Variants in TDRP observed in about 807,000 individuals in gnomAD.
TDRP encodes the protein testis development-related protein.
A neutral mutation model predicts 10.5 loss-of-function variants in TDRP; 12 were observed. The observed-to-expected ratio is 1.15, with a 90% CI of 0.73 to 1.86. The LOEUF (loss-of-function observed/expected upper bound fraction) is 1.86, where lower values mean the gene tolerates loss of function less well. TDRP is among the 40% of genes most tolerant of loss of function. The pLI, the probability that TDRP is intolerant of heterozygous loss-of-function variation, is 0.00. For missense variants in TDRP, 353 were observed against 229.2 expected, an observed-to-expected ratio of 1.54 and a Z score of -3.49; for synonymous variants, 139 against 95.4, an observed-to-expected ratio of 1.46 and a Z score of -2.67.
chr8:493,999 T>TTA (rs1240496917), intron 2 of TDRP, among the ~76,000 whole-genome samples: 1 of 148,428 alleles, frequency 6.7e-6, no homozygotes, highest in African/African-American at 2.5e-5. Flanking sequence ...TGTTGTTTTT[T>TTA]TTTTTTTTTT....
At chr8:538,358 C>G (rs1392860387) in intron 1 of TDRP, among the ~76,000 whole-genome samples, 2 of 152,174 alleles carry the variant, frequency 1.3e-5, no homozygotes, top group East Asian at 3.9e-4. Context: ...AAGCGAGGTC[C>G]TGACTAAAGC....
At chr8:502,951 A>G (rs1801345405) in intron 1 of TDRP, among the ~76,000 whole-genome samples, 1 of 151,646 alleles carries the variant, frequency 6.6e-6, no homozygotes, top group Non-Finnish European at 1.5e-5. Context: ...AGAGCCACAC[A>G]CTGGAACCAA....
intron 1 of TDRP, among the ~76,000 whole-genome samples, chr8:537,102 C>T (rs561895522): frequency 5.7e-4 from 87 of 152,342 alleles, no homozygotes; most frequent in African/African-American, 2.0e-3. Flanking sequence ...TCTGCAGCTC[C>T]CATCAGGTGC....
chr8:495,898 G>A (rs1801116296), intron 1 of TDRP, among the ~76,000 whole-genome samples: 1 of 152,124 alleles, frequency 6.6e-6, no homozygotes, highest in South Asian at 2.1e-4. Flanking sequence ...GGGACTAAGG[G>A]GTCCCACTTT....
intron 1 of TDRP, among the ~76,000 whole-genome samples, chr8:515,342 A>G (rs1584867991): frequency 6.6e-6 from 1 of 152,262 alleles, no homozygotes. Flanking sequence ...TTATGCATGT[A>G]AAGTGTTGTC....
At chr8:535,499 C>T (rs111387214) in intron 1 of TDRP, among the ~76,000 whole-genome samples, 49 of 152,232 alleles carry the variant, frequency 3.2e-4, no homozygotes, top group Middle Eastern at 6.8e-3. Flanking sequence ...GTCCCTGGTC[C>T]GTGGACTGCA....
intron 1 of TDRP, among the ~76,000 whole-genome samples, chr8:533,212 A>G (rs1282766365): frequency 1.3e-5 from 2 of 152,172 alleles, no homozygotes; most frequent in Non-Finnish European, 2.9e-5. Context: ...CACAAGCCAG[A>G]AGCACATAAG....
chr8:524,064 G>C (rs1021467649), intron 1 of TDRP, among the ~76,000 whole-genome samples: 1 of 152,218 alleles, frequency 6.6e-6, no homozygotes. Context: ...AAGAGTGCTT[G>C]TGTCACCCCT....
At chr8:500,726 C>T (rs144258286) in intron 1 of TDRP, among the ~76,000 whole-genome samples, 5 of 152,292 alleles carry the variant, frequency 3.3e-5, no homozygotes, top group East Asian at 3.9e-4. Flanking sequence ...GCAGGTGTAT[C>T]GGACTCCGGC....
chr8:520,657 C>A lies in TDRP; in HGVS notation c.108+23993G>T, dbSNP rs576300935. 2.0e-5 allele frequency among the ~76,000 whole-genome samples: 3 copies of A among 152,196 alleles called. No individual in the cohort carries two copies. The South Asian group carries it at 6.2e-4, about 32-fold the overall frequency. On this transcript the variant is annotated intron_variant, in intron 1 of 2. Transcript: ENST00000324079. ...CATACTAATGGTTGTGAGGTGACAT[C>A]TCATCATGGTTTTGATTTGTATTTC...
intron 1 of TDRP, among the ~76,000 whole-genome samples, chr8:515,038 A>G (rs572840564): frequency 6.6e-6 from 1 of 152,312 alleles, no homozygotes; most frequent in Non-Finnish European, 1.5e-5. Flanking sequence ...TTCCATCAAT[A>G]CTGGAGACAC....
chr8:524,989 C>G (rs905063340), intron 1 of TDRP, among the ~76,000 whole-genome samples: 4 of 152,072 alleles, frequency 2.6e-5, no homozygotes, highest in African/African-American at 9.7e-5. Context: ...GCAGATTTAA[C>G]CCAAACAAGA....
At chr8:516,565 C>T (rs1182092557) in intron 1 of TDRP, among the ~76,000 whole-genome samples, 1 of 152,146 alleles carries the variant, frequency 6.6e-6, no homozygotes, top group East Asian at 1.9e-4. Flanking sequence ...AAGACACTGC[C>T]ACACACCTAT....
At chr8:534,847 T>A (rs17065119) in intron 1 of TDRP, among the ~76,000 whole-genome samples, 1 of 152,150 alleles carries the variant, frequency 6.6e-6, no homozygotes, top group African/African-American at 2.4e-5. Flanking sequence ...TTTTGGGCTA[T>A]TGTGAGAAGC....
chr8:494,356 G>C (rs977337814), intron 2 of TDRP, 138 bp downstream of exon 2: 1 of 699,544 alleles, frequency 1.4e-6, no homozygotes, highest in African/African-American at 1.8e-5. Context: ...GACGGAGTGG[G>C]GAGGGAAACA....
chr8:508,369 A>G (rs1390849797), intron 1 of TDRP, among the ~76,000 whole-genome samples: 2 of 152,222 alleles, frequency 1.3e-5, no homozygotes, highest in East Asian at 3.9e-4. Flanking sequence ...AGACTGGGTA[A>G]TTTATAAAGA....
At chr8:534,019 T>C (rs537996033) in intron 1 of TDRP, among the ~76,000 whole-genome samples, 52 of 152,338 alleles carry the variant, frequency 3.4e-4, no homozygotes, top group African/African-American at 1.2e-3. Flanking sequence ...AAGGCACTGA[T>C]TGTTGAAGCC....
At chr8:519,743 T>C (rs186236438) in intron 1 of TDRP, among the ~76,000 whole-genome samples, 32 of 152,240 alleles carry the variant, frequency 2.1e-4, no homozygotes, top group African/African-American at 7.5e-4. Context: ...GGAGGGAACG[T>C]ACTTTTTAAA....
rs1800929868 is a variant in TDRP, at chr8:490,218, T to C, written c.*2181A>G. On this transcript the variant is annotated 3_prime_UTR_variant, in exon 3 of 3. Transcript: ENST00000324079. ...TTCTCCCAAAGCACACCAATAAATA[T>C]TTATATTAAAAACCACAGTTAATTT... 6.6e-6 allele frequency: 1 copy of C among 152,198 alleles called. No homozygotes were observed. Among genetic ancestry groups the C allele is most frequent in the Admixed American group, 6.5e-5 (1 of 15,278 alleles). 9.4% of individuals were successfully genotyped at this position (152,198 alleles called of 1,614,324 possible). A position where few individuals can be genotyped will look rare whatever the true frequency, so the allele number is the denominator to read the frequency against.
Sources: allele counts gnomAD v4.1 joint callset (sites outside exome capture counted in the v4.1 genomes callset), GRCh38; gene constraint gnomAD v4.1.1; transcripts MANE v1.5; gene names NCBI Gene and HGNC (gene_info 2026-07-23, HGNC 2026-07-21).